ERC2: variants seen among roughly 807,000 people sequenced by gnomAD.
The protein encoded by ERC2 is ERC protein 2.
A neutral mutation model predicts 114.8 loss-of-function variants in ERC2; 42 were observed. That is an observed-to-expected ratio of 0.37 (90% CI 0.29 to 0.47). The LOEUF is 0.47. Among genes scored for constraint, ERC2 ranks in the 20% least tolerant of loss-of-function variants. The probability of loss-of-function intolerance (pLI) is 0.99; values close to 1 mark genes in which losing one functional copy is unlikely to be tolerated. For missense variants in ERC2, 939 were observed against 1,150.7 expected, an observed-to-expected ratio of 0.82 and a Z score of 2.66; for synonymous variants, 454 against 425.5, an observed-to-expected ratio of 1.07 and a Z score of -0.82.
intron 10 of ERC2, among the ~76,000 whole-genome samples, chr3:56,003,358 T>C (rs1010564129): frequency 6.6e-6 from 1 of 152,090 alleles, no homozygotes; most frequent in Non-Finnish European, 1.5e-5. Context: ...GAATAAGAAA[T>C]GTAAGGTTTG....
chr3:55,925,316 T>C (rs980442710), intron 13 of ERC2, among the ~76,000 whole-genome samples: 1 of 152,106 alleles, frequency 6.6e-6, no homozygotes, highest in Non-Finnish European at 1.5e-5. Context: ...TGAGAAAGTA[T>C]AGAGAGTAAC....
At chr3:55,667,882 T>A (rs576447154) in intron 17 of ERC2, among the ~76,000 whole-genome samples, 1 of 152,280 alleles carries the variant, frequency 6.6e-6, no homozygotes, top group East Asian at 1.9e-4. Context: ...ATGCCAGGAT[T>A]TCTCAGCTTC....
At chr3:56,187,131 C>G (rs2083673835) in intron 3 of ERC2, among the ~76,000 whole-genome samples, 1 of 152,130 alleles carries the variant, frequency 6.6e-6, no homozygotes, top group Admixed American at 6.5e-5. Flanking sequence ...GTCTGTTCCC[C>G]TTGAGGCAAG....
chr3:55,742,181 G>A (rs1343043940), intron 14 of ERC2, among the ~76,000 whole-genome samples: 1 of 151,992 alleles, frequency 6.6e-6, no homozygotes, highest in Non-Finnish European at 1.5e-5. Flanking sequence ...CTTCTTTTGA[G>A]TGTCGCCTGT....
intron 13 of ERC2, among the ~76,000 whole-genome samples, chr3:55,896,085 T>C (rs1007577948): frequency 1.3e-5 from 2 of 152,168 alleles, no homozygotes; most frequent in Non-Finnish European, 2.9e-5. Context: ...GCATTCCACA[T>C]GCTCTGTCCT....
At chr3:56,426,024 C>T (rs1284142101) in intron 2 of ERC2, among the ~76,000 whole-genome samples, 1 of 152,140 alleles carries the variant, frequency 6.6e-6, no homozygotes, top group Non-Finnish European at 1.5e-5. Flanking sequence ...TCACATCAAC[C>T]GTCAAGACAG....
intron 12 of ERC2, among the ~76,000 whole-genome samples, chr3:55,963,683 T>C (rs2068547452): frequency 6.6e-6 from 1 of 152,240 alleles, no homozygotes. Context: ...TGTATCATTC[T>C]AAAAGCCTAC....
intron 11 of ERC2, among the ~76,000 whole-genome samples, chr3:55,986,502 G>A (rs1467316923): frequency 5.9e-5 from 9 of 152,146 alleles, no homozygotes; most frequent in Non-Finnish European, 1.2e-4. Context: ...AAAAGGAGCT[G>A]AGCAATTTGG....
chr3:55,853,687 C>A (rs2061667654), intron 14 of ERC2, among the ~76,000 whole-genome samples: 1 of 152,114 alleles, frequency 6.6e-6, no homozygotes, highest in South Asian at 2.1e-4. Flanking sequence ...TTGTATGATT[C>A]CACTTACTTG....
rs1054117698 is a variant in ERC2, at chr3:55,574,427, A to G, written c.*40-63151T>C. 2.0e-5 allele frequency among the ~76,000 whole-genome samples: 3 copies of G among 152,094 alleles called. No homozygotes were observed. In the East Asian group the frequency reaches 5.8e-4, roughly 29 times the overall value. ...GGGGATGTACAGAATGGACCTTCCT[A>G]GGAGGAATGAGCTCTCTCACACTAG... is the stretch of plus-strand genomic sequence containing the variant. On this transcript the variant is annotated intron_variant, in intron 17 of 17. Coordinates refer to ENST00000288221, the MANE Select transcript of ERC2 (RefSeq NM_015576.3).
chr3:55,824,203 T>G (rs2060237440), intron 14 of ERC2, among the ~76,000 whole-genome samples: 1 of 152,224 alleles, frequency 6.6e-6, no homozygotes, highest in Admixed American at 6.5e-5. Flanking sequence ...GATTTGGGCC[T>G]ACAACATAGA....
At chr3:55,969,428 CA>C (rs1338560464) in intron 12 of ERC2, among the ~76,000 whole-genome samples, 3 of 151,348 alleles carry the variant, frequency 2.0e-5, no homozygotes, top group Non-Finnish European at 4.4e-5. Context: ...CACACACACA[CA>C]CACACACCCT....
chr3:55,762,952 G>C (rs1459768872), intron 14 of ERC2, among the ~76,000 whole-genome samples: 1 of 152,144 alleles, frequency 6.6e-6, no homozygotes, highest in South Asian at 2.1e-4. Flanking sequence ...ATACTAAGTA[G>C]GTAGGTGAAA....
chr3:56,190,471 T>C (rs1004327332), intron 3 of ERC2, among the ~76,000 whole-genome samples: 6 of 152,178 alleles, frequency 3.9e-5, no homozygotes, highest in African/African-American at 1.4e-4. Flanking sequence ...TCTCACTCTG[T>C]TGCCCAGGCT....
In ERC2 at chr3:55,858,096, T is replaced by C. The variant is rs192629905; in HGVS notation, c.2564+30293A>G. Among the ~76,000 whole-genome samples, 370 of 152,324 alleles carry C rather than the reference T, an allele frequency of 2.4e-3. 1 individual carries two copies. Among genetic ancestry groups the C allele is most frequent in the African/African-American group, 8.4e-3 (351 of 41,576 alleles). ...ACATATAAATATATGTATATACATA[T>C]ACATGCATACACACATAGACACATA... On this transcript the variant is annotated intron_variant, in intron 14 of 17. Transcript: ENST00000288221.
At chr3:56,331,072 C>G (rs2057588632) in intron 2 of ERC2, among the ~76,000 whole-genome samples, 1 of 152,200 alleles carries the variant, frequency 6.6e-6, no homozygotes, top group African/African-American at 2.4e-5. Flanking sequence ...ATCAAAGACA[C>G]TCCTTGGCCA....
At chr3:55,911,517 T>A (rs901224351) in intron 13 of ERC2, among the ~76,000 whole-genome samples, 1 of 152,210 alleles carries the variant, frequency 6.6e-6, no homozygotes, top group Non-Finnish European at 1.5e-5. Flanking sequence ...ATGTCTCCTA[T>A]AATATCACCT....
chr3:56,465,794 T>G (rs1381256717), intron 1 of ERC2, among the ~76,000 whole-genome samples: 3 of 152,292 alleles, frequency 2.0e-5, no homozygotes, highest in African/African-American at 7.2e-5. Context: ...ATTTGCCTAT[T>G]GGCCCATGCC....
chr3:55,643,924 A>G (rs567565001), intron 17 of ERC2, among the ~76,000 whole-genome samples: 1 of 152,336 alleles, frequency 6.6e-6, no homozygotes, highest in Admixed American at 6.5e-5. Context: ...AAAAATAATG[A>G]AAACCAAACT....
Sources: gnomAD v4.1 joint callset for allele counts (sites outside exome capture counted in the v4.1 genomes callset) on GRCh38, gnomAD v4.1.1 for gene constraint, MANE v1.5 for transcripts, NCBI Gene and HGNC (gene_info 2026-07-23, HGNC 2026-07-21) for gene names.